KIF26B: variants seen among roughly 807,000 people sequenced by gnomAD.
KIF26B encodes the protein kinesin family member 26B.
In KIF26B, 63 loss-of-function variants were observed where a neutral mutation model predicts 151.2. The observed-to-expected ratio is 0.42, with a 90% CI of 0.34 to 0.51. KIF26B has a LOEUF of 0.51. Ranked by LOEUF, KIF26B falls within the 20% of genes least tolerant of loss-of-function variation. KIF26B has a pLI of 0.07. For synonymous variants in KIF26B, 1,357 were observed against 1,262.1 expected, an observed-to-expected ratio of 1.08 and a Z score of -1.59; for missense variants, 2,813 against 2,913.6, an observed-to-expected ratio of 0.97 and a Z score of 0.79.
In KIF26B at chr1:245,156,457, C is replaced by G; in HGVS notation, c.239C>G (p.Ser80Trp). The G allele has an allele frequency of 6.6e-7, 1 of 1,525,356 alleles. No homozygotes were observed. The highest frequency in any genetic ancestry group is 8.8e-7 in the Non-Finnish European group (1 of 1,140,154). The allele number at this position is 1,525,356 out of a possible 1,614,324, so 94.5% of individuals were successfully genotyped here. A position where few individuals can be genotyped will look rare whatever the true frequency, so the allele number is the denominator to read the frequency against. Residue 80 changes from serine (S) to tryptophan (W), a missense_variant, in exon 2 of 15, where the codon TCG (serine) becomes TGG (tryptophan). Ser to Trp is a radical substitution (Grantham distance 177). Around this residue, in one of 3 missense-constraint regions of KIF26B, gnomAD observed 676 missense variants for 688.1 expected, o/e 0.98. Coordinates refer to ENST00000407071, the MANE Select transcript of KIF26B (RefSeq NM_018012.4). Reference sequence around the variant, plus strand: ...GGCTCGGGCACCTCGTCCCCGAGCTCGTTCACCGGCTCCCCGGGACCCGCC... The same window carrying G: ...GGCTCGGGCACCTCGTCCCCGAGCTGGTTCACCGGCTCCCCGGGACCCGCC... ...SPGSGTSSPS[S>W]FTGSPGPASP...
chr1:245,694,873 A>C (rs550442060), intron 12 of KIF26B, among the ~76,000 whole-genome samples: 2 of 152,222 alleles, frequency 1.3e-5, no homozygotes, highest in Non-Finnish European at 2.9e-5. Flanking sequence ...GCACTTGTAC[A>C]TGCCTGGACC....
intron 5 of KIF26B, among the ~76,000 whole-genome samples, chr1:245,580,556 G>A (rs939830993): frequency 6.6e-6 from 1 of 152,196 alleles, no homozygotes; most frequent in Non-Finnish European, 1.5e-5. Flanking sequence ...AGGAAAGGAA[G>A]GTGTGGCGGA....
At chr1:245,327,414 G>A (rs1183009399) in intron 2 of KIF26B, among the ~76,000 whole-genome samples, 1 of 152,180 alleles carries the variant, frequency 6.6e-6, no homozygotes, top group Non-Finnish European at 1.5e-5. Context: ...TGCATAGACT[G>A]CTCGAGTTGT....
chr1:245,461,061 G>A (rs534902991), intron 4 of KIF26B, among the ~76,000 whole-genome samples: 108 of 152,164 alleles, frequency 7.1e-4, no homozygotes, highest in African/African-American at 2.5e-3. Flanking sequence ...TTCCATTCTC[G>A]TGAGAGAAGC....
rs1333189402 is a variant in KIF26B at position 245,244,268 on chromosome 1, T to G, written c.465+87585T>G. 2.0e-5 allele frequency among the ~76,000 whole-genome samples: 3 copies of G among 152,124 alleles called. No homozygotes were observed. Among genetic ancestry groups the G allele is most frequent in the Non-Finnish European group, 4.4e-5 (3 of 68,034 alleles). Reference sequence around the variant, plus strand: ...CACTGTACCTGGCCTCCTTTTATATTTTTTTCTAAATATCATTCTATATGT... The same window carrying G: ...CACTGTACCTGGCCTCCTTTTATATGTTTTTCTAAATATCATTCTATATGT... On this transcript the variant is annotated intron_variant, in intron 2 of 14. Coordinates refer to ENST00000407071, the MANE Select transcript of KIF26B (RefSeq NM_018012.4). The surrounding 1 kb of genome is among the most constrained non-coding windows in gnomAD (Gnocchi z 4.2).
chr1:245,614,199 C>T (rs1006582977), intron 9 of KIF26B, among the ~76,000 whole-genome samples: 1 of 152,110 alleles, frequency 6.6e-6, no homozygotes, highest in Non-Finnish European at 1.5e-5. Flanking sequence ...GAGATGAAGT[C>T]TCACTCACTC....
chr1:245,241,441 G>A lies in KIF26B; in HGVS notation c.465+84758G>A, dbSNP rs1670209231. Among the ~76,000 whole-genome samples the A allele has an allele frequency of 6.6e-6, 1 of 152,192 alleles. No homozygotes were observed. Among genetic ancestry groups the A allele is most frequent in the Non-Finnish European group, 1.5e-5 (1 of 68,036 alleles). ...GAGAAGAGGTGGAACTTGGAGCTGG[G>A]CACCAGCTGGCACTGCTGTGTTCAG... is the stretch of plus-strand genomic sequence containing the variant. On this transcript the variant is annotated intron_variant, in intron 2 of 14. Coordinates refer to ENST00000407071, the MANE Select transcript of KIF26B (RefSeq NM_018012.4). This position sits in a 1 kb window ranked among gnomAD's most constrained non-coding sequence, Gnocchi z 5.0.
At chr1:245,625,960 A>G (rs2043719772) in intron 9 of KIF26B, among the ~76,000 whole-genome samples, 2 of 152,122 alleles carry the variant, frequency 1.3e-5, no homozygotes, top group African/African-American at 2.4e-5. Context: ...AGTTCCATCC[A>G]TTTTGCTACA....
chr1:245,681,717 T>C (rs911141317), intron 10 of KIF26B, among the ~76,000 whole-genome samples: 3 of 152,210 alleles, frequency 2.0e-5, no homozygotes, highest in African/African-American at 7.2e-5. Flanking sequence ...ATAGCATTGG[T>C]GTGAGGCTAG....
At chr1:245,568,992 ATGATTGGTTT>A (rs1272851282) in intron 5 of KIF26B, among the ~76,000 whole-genome samples, 1 of 152,200 alleles carries the variant, frequency 6.6e-6, no homozygotes, top group Non-Finnish European at 1.5e-5. Flanking sequence ...GATGATGAAC[ATGATTGGTTT>A]TGCCCCGTGC....
intron 10 of KIF26B, among the ~76,000 whole-genome samples, chr1:245,650,415 C>T (rs747259355): frequency 7.9e-5 from 12 of 152,218 alleles, no homozygotes; most frequent in South Asian, 6.2e-4. Flanking sequence ...CCAGAAGAAC[C>T]GCCACAAGGA....
At chr1:245,443,476 C>T (rs1196691244) in intron 4 of KIF26B, among the ~76,000 whole-genome samples, 3 of 109,418 alleles carry the variant, frequency 2.7e-5, no homozygotes, top group African/African-American at 9.3e-5. Flanking sequence ...TCATCTCCCT[C>T]ACTGTTCATC....
intron 4 of KIF26B, among the ~76,000 whole-genome samples, chr1:245,425,067 CT>C (rs35423492): frequency 0.022 from 2,912 of 130,910 alleles, 58 homozygotes; most frequent in African/African-American, 0.066. Flanking sequence ...AAACGAGGGC[CT>C]TTTTTTTTTT....
chr1:245,190,395 G>A (rs1669078943), intron 2 of KIF26B, among the ~76,000 whole-genome samples: 1 of 152,028 alleles, frequency 6.6e-6, no homozygotes, highest in Admixed American at 6.5e-5. Context: ...TGTAACACTG[G>A]CTGCAGGGTC....
intron 2 of KIF26B, among the ~76,000 whole-genome samples, chr1:245,348,574 CCTTT>C (rs1672504303): frequency 6.6e-6 from 1 of 152,170 alleles, no homozygotes; most frequent in South Asian, 2.1e-4. Flanking sequence ...CTCTGGGTCC[CCTTT>C]CTAAGAGCAC....
At chr1:245,179,606 C>T (rs1668869231) in intron 2 of KIF26B, among the ~76,000 whole-genome samples, 1 of 151,888 alleles carries the variant, frequency 6.6e-6, no homozygotes, top group South Asian at 2.1e-4. Context: ...GCCTGGGCGA[C>T]AGAGCGAGAC....
chr1:245,179,407 T>C (rs552488154), intron 2 of KIF26B, among the ~76,000 whole-genome samples: 1 of 152,306 alleles, frequency 6.6e-6, no homozygotes, highest in South Asian at 2.1e-4. Flanking sequence ...GTGGATCACC[T>C]GAGGTCAGGA....
chr1:245,284,552 G>C (rs2102969928), intron 2 of KIF26B, among the ~76,000 whole-genome samples: 1 of 152,214 alleles, frequency 6.6e-6, no homozygotes, highest in East Asian at 1.9e-4. Context: ...CATTTCTGTG[G>C]GGCAGGTTTT....
intron 14 of KIF26B, among the ~76,000 whole-genome samples, chr1:245,700,184 A>G (rs750481512): frequency 1.3e-5 from 2 of 152,120 alleles, no homozygotes; most frequent in Non-Finnish European, 2.9e-5. Flanking sequence ...TTTCTCACAT[A>G]CTAGCTGTGG....
Sources: gnomAD v4.1 joint callset for allele counts (sites outside exome capture counted in the v4.1 genomes callset) on GRCh38, gnomAD v4.1.1 for gene constraint, gnomAD v4.1.1 regional missense constraint, Gnocchi (gnomAD v3.1) non-coding constraint, MANE v1.5 for transcripts, NCBI Gene and HGNC (gene_info 2026-07-23, HGNC 2026-07-21) for gene names.